Variants in EXOC6B observed in about 807,000 individuals in gnomAD.
The protein encoded by EXOC6B is SEC15 homolog B.
In EXOC6B, 54 loss-of-function variants were observed where a neutral mutation model predicts 113.5. The ratio of observed to expected loss-of-function variants is 0.48; its 90% CI spans 0.38 to 0.60. The LOEUF (loss-of-function observed/expected upper bound fraction) is 0.60. Ranked by LOEUF, EXOC6B falls within the 20% of genes least tolerant of loss-of-function variation. The probability of loss-of-function intolerance (pLI) is 0.00; values close to 1 mark genes in which losing one functional copy is unlikely to be tolerated. For synonymous variants in EXOC6B, 357 were observed against 339.0 expected (o/e 1.05, Z -0.58); for missense variants, 797 against 977.5 (o/e 0.82, Z 2.46).
At chr2:72,231,022 T>C (rs1028102441) in intron 20 of EXOC6B, among the ~76,000 whole-genome samples, 2 of 152,212 alleles carry the variant, frequency 1.3e-5, no homozygotes, top group African/African-American at 4.8e-5. Flanking sequence ...GCAGTTAACA[T>C]TGATTTAATA....
intron 20 of EXOC6B, among the ~76,000 whole-genome samples, chr2:72,212,859 G>C (rs1296935487): frequency 6.6e-6 from 1 of 152,226 alleles, no homozygotes; most frequent in African/African-American, 2.4e-5. Flanking sequence ...AAGTGGTGTA[G>C]TAGAGTGTGT....
rs1156941895 is a variant in EXOC6B, at chr2:72,642,718, T to C, written c.670-67050A>G. On this transcript the variant is annotated intron_variant, in intron 6 of 21. Coordinates refer to ENST00000272427, the MANE Select transcript of EXOC6B (RefSeq NM_015189.3). ...CATAGGCATGGGCAAGGACTTCATG[T>C]CTAAAACACCAACAGCAATGGCAAC... is the stretch of plus-strand genomic sequence containing the variant. Among the ~76,000 whole-genome samples the C allele has an allele frequency of 8.0e-5, 12 of 150,596 alleles. No homozygotes were observed. In the East Asian group the frequency reaches 2.3e-3, roughly 29 times the overall value.
chr2:72,428,745 A>G (rs1695353847), intron 18 of EXOC6B, among the ~76,000 whole-genome samples: 1 of 152,192 alleles, frequency 6.6e-6, no homozygotes, highest in Non-Finnish European at 1.5e-5. Flanking sequence ...CCATAACAAC[A>G]ATATCTAGAA....
At chr2:72,669,921 C>T (rs1401762117) in intron 6 of EXOC6B, among the ~76,000 whole-genome samples, 1 of 152,158 alleles carries the variant, frequency 6.6e-6, no homozygotes, top group East Asian at 1.9e-4. Context: ...TACCTGAACC[C>T]ACAACTTAAT....
At chr2:72,462,293 T>G (rs191444376) in intron 18 of EXOC6B, 11 of 152,206 alleles carry the variant, frequency 7.2e-5, no homozygotes, top group Non-Finnish European at 1.3e-4. Context: ...GTTTATTTGT[T>G]TTCTAAGTGA....
chr2:72,264,691 A>G (rs1426507625), intron 20 of EXOC6B, among the ~76,000 whole-genome samples: 1 of 152,020 alleles, frequency 6.6e-6, no homozygotes. Flanking sequence ...GGTGGAGGTA[A>G]TTGAATCATG....
intron 8 of EXOC6B, among the ~76,000 whole-genome samples, chr2:72,524,646 G>A (rs937642468): frequency 2.6e-5 from 4 of 152,110 alleles, no homozygotes; most frequent in African/African-American, 9.7e-5. Context: ...ATGAATAAAT[G>A]CTTGAAAGGA....
chr2:72,314,245 G>T (rs6742027), intron 20 of EXOC6B, among the ~76,000 whole-genome samples: 1 of 151,932 alleles, frequency 6.6e-6, no homozygotes, highest in Non-Finnish European at 1.5e-5. Context: ...TGTCACAATC[G>T]CCTGGTTATC....
intron 6 of EXOC6B, among the ~76,000 whole-genome samples, chr2:72,694,336 G>A (rs35589556): frequency 2.0e-5 from 3 of 152,134 alleles, no homozygotes; most frequent in Non-Finnish European, 4.4e-5. Flanking sequence ...CAGCTACTCA[G>A]GAAACTGAGG....
chr2:72,286,429 T>C (rs1297470762), intron 20 of EXOC6B, among the ~76,000 whole-genome samples: 1 of 152,054 alleles, frequency 6.6e-6, no homozygotes, highest in East Asian at 1.9e-4. Context: ...TCCAACTACA[T>C]GACATTCCAG....
intron 6 of EXOC6B, among the ~76,000 whole-genome samples, chr2:72,635,859 G>A (rs1672780289): frequency 6.6e-6 from 1 of 152,182 alleles, no homozygotes; most frequent in African/African-American, 2.4e-5. Context: ...CCATGACCAA[G>A]TAGGGTTTAT....
chr2:72,235,638 T>A (rs1050241703), intron 20 of EXOC6B, among the ~76,000 whole-genome samples: 4 of 151,558 alleles, frequency 2.6e-5, no homozygotes, highest in African/African-American at 9.8e-5. Context: ...GAGTGAAACA[T>A]AAGAATAGGT....
chr2:72,601,357 G>A (rs1441604066), intron 6 of EXOC6B, among the ~76,000 whole-genome samples: 1 of 151,790 alleles, frequency 6.6e-6, no homozygotes, highest in African/African-American at 2.4e-5. Flanking sequence ...TAATTTTTTT[G>A]TACTTTTAGT....
At chr2:72,539,466 T>G (rs2105783794) in intron 8 of EXOC6B, among the ~76,000 whole-genome samples, 1 of 152,338 alleles carries the variant, frequency 6.6e-6, no homozygotes, top group African/African-American at 2.4e-5. Context: ...AGGTACCCTG[T>G]GTTTTGCAGT....
In EXOC6B at chr2:72,741,560, TA is replaced by T; in HGVS notation, c.114-92del. The T allele has an allele frequency of 5.2e-6, 6 of 1,145,674 alleles. No individual in the cohort carries two copies. The South Asian group carries it at 9.7e-5, about 18-fold the overall frequency. 71.0% of individuals were successfully genotyped at this position (1,145,674 alleles called of 1,614,324 possible). A position where few individuals can be genotyped will look rare whatever the true frequency, so the allele number is the denominator to read the frequency against. ...AATCCAGAAGCAAATTTAGGGCACA[TA>T]AGCCACAAAATAATCCAACTGTATA... On this transcript the variant is annotated intron_variant, in intron 1 of 21. Transcript: ENST00000272427.
At chr2:72,688,166 C>A (rs889822348) in intron 6 of EXOC6B, among the ~76,000 whole-genome samples, 9 of 152,112 alleles carry the variant, frequency 5.9e-5, no homozygotes, top group Non-Finnish European at 1.2e-4. Context: ...CCACTATAAA[C>A]CCACATTAAT....
intron 5 of EXOC6B, among the ~76,000 whole-genome samples, chr2:72,720,093 G>C (rs1210805198): frequency 6.6e-6 from 1 of 152,110 alleles, no homozygotes; most frequent in Non-Finnish European, 1.5e-5. Flanking sequence ...CCAGTAGACT[G>C]TGATAAGATG....
chr2:72,450,173 G>T (rs1162233644), intron 18 of EXOC6B, among the ~76,000 whole-genome samples: 2 of 152,062 alleles, frequency 1.3e-5, no homozygotes, highest in African/African-American at 4.8e-5. Flanking sequence ...AAGCTCCCCA[G>T]AATTCCCATA....
chr2:72,643,507 G>A (rs1469382775), intron 6 of EXOC6B, among the ~76,000 whole-genome samples: 4 of 146,900 alleles, frequency 2.7e-5, no homozygotes, highest in African/African-American at 7.6e-5. Context: ...GTAAACTATC[G>A]CAAGAACAAA....
Sources: gnomAD v4.1 joint callset for allele counts (sites outside exome capture counted in the v4.1 genomes callset) on GRCh38, gnomAD v4.1.1 for gene constraint, MANE v1.5 for transcripts, NCBI Gene and HGNC (gene_info 2026-07-23, HGNC 2026-07-21) for gene names.